The following FGF12 variants were observed in gnomAD, a reference collection of about 807,000 sequenced individuals.
The protein encoded by FGF12 is fibroblast growth factor 12.
A neutral mutation model predicts 23.6 loss-of-function variants in FGF12; 14 were observed. That is an observed-to-expected ratio of 0.59 (90% CI 0.39 to 0.93). FGF12 has a LOEUF of 0.93. Among genes scored for constraint, FGF12 ranks in the 40% least tolerant of loss-of-function variants. The pLI, the probability that FGF12 is intolerant of heterozygous loss-of-function variation, is 0.00. For missense variants in FGF12, 175 were observed against 217.8 expected (o/e 0.80, Z 1.24); for synonymous variants, 62 against 77.3 (o/e 0.80, Z 1.04).
At chr3:192,519,553 A>G (rs2108845059) in intron 2 of FGF12, among the ~76,000 whole-genome samples, 1 of 152,192 alleles carries the variant, frequency 6.6e-6, no homozygotes, top group East Asian at 1.9e-4. Context: ...TTTTTCATTT[A>G]TAATTGATAA....
chr3:192,186,482 T>A (rs2060216007), intron 4 of FGF12, among the ~76,000 whole-genome samples: 1 of 152,246 alleles, frequency 6.6e-6, no homozygotes, highest in African/African-American at 2.4e-5. Context: ...GAAGGCTATC[T>A]ACTTCCTTTC....
chr3:192,343,728 C>T (rs1204345726), intron 3 of FGF12, among the ~76,000 whole-genome samples: 1 of 152,118 alleles, frequency 6.6e-6, no homozygotes, highest in Admixed American at 6.5e-5. Context: ...CACAGCATTC[C>T]ATACATAGCA....
intron 4 of FGF12, among the ~76,000 whole-genome samples, chr3:192,291,929 A>G (rs530696336): frequency 2.6e-5 from 4 of 152,210 alleles, no homozygotes; most frequent in Non-Finnish European, 5.9e-5. Flanking sequence ...ATATTCAACA[A>G]TACGTGTATC....
In FGF12 at chr3:192,489,998, C is replaced by T. The variant is rs146179746; in HGVS notation, c.14-129460G>A. 3.9e-3 allele frequency among the ~76,000 whole-genome samples: 593 copies of T among 152,168 alleles called. 3 individuals are homozygous for T. The highest frequency in any genetic ancestry group is 0.014 in the African/African-American group (577 of 41,556). On this transcript the variant is annotated intron_variant, in intron 2 of 5. Transcript: ENST00000445105. ...ATTTAAAATAAAAGTTAAAAAAATA[C>T]TAAGTTCTTTGTGAAATCCAGCAAA...
chr3:192,368,054 A>G (rs1350147220), intron 2 of FGF12, among the ~76,000 whole-genome samples: 1 of 152,156 alleles, frequency 6.6e-6, no homozygotes, highest in African/African-American at 2.4e-5. Flanking sequence ...TTCTGGGCAA[A>G]AGGGATAATC....
Position 192,704,776 on chromosome 3 carries a change from G to T in FGF12, c.13+22405C>A, listed in dbSNP as rs191026287. ...GTCTCCATTGAAAATCTGCTGTTTA[G>T]TGTAGCCACCTTTGTCAATTATCTC... On this transcript the variant is annotated intron_variant, in intron 2 of 5. Coordinates refer to ENST00000445105, the MANE Select transcript of FGF12 (RefSeq NM_004113.6). 3.9e-5 allele frequency among the ~76,000 whole-genome samples: 6 copies of T among 152,192 alleles called. No homozygotes were observed. The East Asian group carries it at 1.2e-3, about 29-fold the overall frequency.
At chr3:192,533,021 T>A (rs762238749) in intron 2 of FGF12, among the ~76,000 whole-genome samples, 11 of 152,302 alleles carry the variant, frequency 7.2e-5, no homozygotes, top group Non-Finnish European at 1.3e-4. Context: ...CAAAAGGCAT[T>A]TCATCTGACA....
chr3:192,441,790 T>C (rs2108796809), intron 2 of FGF12, among the ~76,000 whole-genome samples: 1 of 152,270 alleles, frequency 6.6e-6, no homozygotes, highest in East Asian at 1.9e-4. Context: ...TACGGAAAGG[T>C]ACCAATTACC....
chr3:192,671,078 G>A (rs1002853549), intron 2 of FGF12, among the ~76,000 whole-genome samples: 2 of 152,180 alleles, frequency 1.3e-5, no homozygotes, highest in African/African-American at 4.8e-5. Context: ...TCGTAAGTAC[G>A]AAAATAGGTT....
rs530727850 is a variant in FGF12 at position 192,545,707 on chromosome 3, G to A, written c.13+181474C>T. Reference sequence around the variant, plus strand: ...TAAAATATTGTAATTCTTCAGCGTGGTAGATGCTGGTACTTTAAGGAGACA... The same window carrying A: ...TAAAATATTGTAATTCTTCAGCGTGATAGATGCTGGTACTTTAAGGAGACA... On this transcript the variant is annotated intron_variant, in intron 2 of 5. Transcript: ENST00000445105. Among the ~76,000 whole-genome samples the A allele has an allele frequency of 2.0e-5, 3 of 152,288 alleles. No homozygotes were observed. In the South Asian group the frequency reaches 6.2e-4, roughly 32 times the overall value.
chr3:192,158,326 TTCTTTC>T (rs1243336567), intron 5 of FGF12, among the ~76,000 whole-genome samples: 3 of 120,374 alleles, frequency 2.5e-5, no homozygotes, highest in Non-Finnish European at 5.2e-5. Flanking sequence ...CTTTCTTTCT[TTCTTTC>T]TCTTTCTTTC....
In FGF12 at chr3:192,190,514, C is replaced by T. The variant is rs1479746556; in HGVS notation, c.229-19858G>A. On this transcript the variant is annotated intron_variant, in intron 4 of 5. Coordinates refer to ENST00000445105, the MANE Select transcript of FGF12 (RefSeq NM_004113.6). ...TTTTTGAGACTGAGTCTCGCTCTGTCGCCCAGGCTGGAGTGCAGTGGCGGG... is the reference window on the plus strand; with the variant it reads ...TTTTTGAGACTGAGTCTCGCTCTGTTGCCCAGGCTGGAGTGCAGTGGCGGG... 6.1e-5 allele frequency among the ~76,000 whole-genome samples: 7 copies of T among 114,816 alleles called. No homozygotes were observed. In the East Asian group the frequency reaches 1.3e-3, roughly 22 times the overall value. 75.3% of individuals were successfully genotyped at this position (114,816 alleles called of 152,430 possible). A position where few individuals can be genotyped will look rare whatever the true frequency, so the allele number is the denominator to read the frequency against.
At chr3:192,357,346 GT>G (rs11331599) in intron 3 of FGF12, among the ~76,000 whole-genome samples, 31,977 of 151,866 alleles carry the variant, frequency 0.21, 3,562 homozygotes, top group Admixed American at 0.29. Context: ...GCTGGGTGTG[GT>G]GGCATGTGCC....
At chr3:192,559,896 AAC>A in intron 2 of FGF12, among the ~76,000 whole-genome samples, 1 of 152,134 alleles carries the variant, frequency 6.6e-6, no homozygotes, top group African/African-American at 2.4e-5. Flanking sequence ...CAACCATTTT[AAC>A]CTAATTGATA....
At chr3:192,287,078 G>GA (rs893573391) in intron 4 of FGF12, among the ~76,000 whole-genome samples, 1 of 151,950 alleles carries the variant, frequency 6.6e-6, no homozygotes, top group Admixed American at 6.6e-5. Context: ...CCTAAAATAA[G>GA]AAAAATATAG....
intron 2 of FGF12, among the ~76,000 whole-genome samples, chr3:192,586,046 G>A (rs1713361400): frequency 6.6e-6 from 1 of 152,106 alleles, no homozygotes; most frequent in Non-Finnish European, 1.5e-5. Context: ...AAAAATCATT[G>A]TTATAATGAT....
At chr3:192,270,856 A>C (rs1713393015) in intron 4 of FGF12, among the ~76,000 whole-genome samples, 1 of 150,432 alleles carries the variant, frequency 6.6e-6, no homozygotes. Context: ...GAATCCACTA[A>C]TTCAATGGGA....
chr3:192,385,833 G>A (rs919457787), intron 2 of FGF12, among the ~76,000 whole-genome samples: 5 of 152,182 alleles, frequency 3.3e-5, no homozygotes, highest in Non-Finnish European at 7.3e-5. Context: ...GGATGCCAGA[G>A]TGTGGTACAG....
chr3:192,693,777 G>A (rs1027511276), intron 2 of FGF12, among the ~76,000 whole-genome samples: 1 of 152,042 alleles, frequency 6.6e-6, no homozygotes, highest in African/African-American at 2.4e-5. Context: ...TCTAAACACA[G>A]AGCCGTAAAA....
Sources: allele counts gnomAD v4.1 joint callset (sites outside exome capture counted in the v4.1 genomes callset), GRCh38; gene constraint gnomAD v4.1.1; transcripts MANE v1.5; gene names NCBI Gene and HGNC (gene_info 2026-07-23, HGNC 2026-07-21).